The following NRXN3 variants were observed in gnomAD, a reference collection of about 807,000 sequenced individuals.
The protein encoded by NRXN3 is neurexin 3.
In NRXN3, 32 loss-of-function variants were observed where a neutral mutation model predicts 137.6. The ratio of observed to expected loss-of-function variants is 0.23; its 90% CI spans 0.18 to 0.31. NRXN3 has a LOEUF of 0.31. Ranked by LOEUF, NRXN3 falls within the 10% of genes least tolerant of loss-of-function variation. The pLI, the probability that NRXN3 is intolerant of heterozygous loss-of-function variation, is 1.00. For synonymous variants in NRXN3, 798 were observed against 784.5 expected (o/e 1.02, Z -0.29); for missense variants, 1,574 against 2,062.5 (o/e 0.76, Z 4.59).
intron 15 of NRXN3, chr14:79,281,627 T>C (rs113080652): frequency 1.3e-5 from 2 of 152,076 alleles, no homozygotes; most frequent in African/African-American, 4.8e-5. Context: ...CAGCCTGAAG[T>C]TGATTGAACT....
intron 15 of NRXN3, among the ~76,000 whole-genome samples, chr14:79,216,698 A>T (rs1463609161): frequency 6.6e-6 from 1 of 152,142 alleles, no homozygotes; most frequent in African/African-American, 2.4e-5. Flanking sequence ...ACGCTCTAAG[A>T]TGATATATGG....
intron 4 of NRXN3, among the ~76,000 whole-genome samples, chr14:78,629,202 A>G (rs1255535131): frequency 1.3e-5 from 2 of 152,220 alleles, no homozygotes; most frequent in Non-Finnish European, 2.9e-5. Flanking sequence ...GTTTAAGGTT[A>G]TAGAATTGAG....
At chr14:78,749,155 C>G (rs1198966618) in intron 8 of NRXN3, among the ~76,000 whole-genome samples, 2 of 152,166 alleles carry the variant, frequency 1.3e-5, no homozygotes, top group African/African-American at 4.8e-5. Context: ...GTCAGATGGG[C>G]TGAGCAGTGA....
rs529530390 is a variant in NRXN3, at chr14:78,758,682, C to T, written c.2044+43543C>T. On this transcript the variant is annotated intron_variant, in intron 8 of 20. Transcript: ENST00000335750. ...TATGGTGCCTCAAATGGCCTTACAA[C>T]AACAGCGTACTATTAAATGTATCAT... Among the ~76,000 whole-genome samples, 73 of 152,360 alleles carry T rather than the reference C, an allele frequency of 4.8e-4. No homozygotes were observed. In the South Asian group the frequency reaches 0.015, roughly 31 times the overall value.
At chr14:79,008,669 T>C (rs1361899710) in intron 15 of NRXN3, among the ~76,000 whole-genome samples, 2 of 151,284 alleles carry the variant, frequency 1.3e-5, no homozygotes, top group East Asian at 3.9e-4. Flanking sequence ...TGCTTTTTTT[T>C]TTTTTTTTTG....
At chr14:78,609,080 A>T (rs141762550) in intron 4 of NRXN3, among the ~76,000 whole-genome samples, 1 of 152,296 alleles carries the variant, frequency 6.6e-6, no homozygotes, top group African/African-American at 2.4e-5. Flanking sequence ...GGGCCAGGTC[A>T]CGAAGTAAAT....
At chr14:78,793,457 A>G (rs2098811605) in intron 8 of NRXN3, among the ~76,000 whole-genome samples, 1 of 152,190 alleles carries the variant, frequency 6.6e-6, no homozygotes, top group Admixed American at 6.5e-5. Context: ...GAGAATGTTT[A>G]TGAGTATGGT....
intron 15 of NRXN3, among the ~76,000 whole-genome samples, chr14:79,271,459 C>A (rs578251940): frequency 1.4e-4 from 18 of 131,218 alleles, no homozygotes; most frequent in African/African-American, 5.1e-4. Context: ...CCTTCCCTTC[C>A]CTCCCCTCCC....
chr14:78,459,488 G>C (rs1212086407), intron 4 of NRXN3, among the ~76,000 whole-genome samples: 1 of 152,142 alleles, frequency 6.6e-6, no homozygotes. Flanking sequence ...TCCCTCTGCT[G>C]TTTCTGACTG....
In NRXN3 at chr14:79,647,031, G is replaced by A. The variant is rs1338089531; in HGVS notation, c.3445-16747G>A. 2.2e-5 allele frequency among the ~76,000 whole-genome samples: 3 copies of A among 135,340 alleles called. 1 individual carries two copies. The highest frequency in any genetic ancestry group is 4.6e-4 in the South Asian group (2 of 4,328). The allele number at this position is 135,340 out of a possible 152,430, so 88.8% of individuals were successfully genotyped here. On this transcript the variant is annotated intron_variant, in intron 16 of 20. Coordinates refer to ENST00000335750, the MANE Select transcript of NRXN3 (RefSeq NM_001330195.2). The stretch of plus-strand genomic sequence containing the variant: ...CCAGGTCTAAGTGTTGCCCCAATCC[G>A]TTCTCCCATCCAACTCCACAAGCAG...
chr14:79,271,798 T>G (rs954243301), intron 15 of NRXN3, among the ~76,000 whole-genome samples: 2 of 152,092 alleles, frequency 1.3e-5, no homozygotes, highest in Non-Finnish European at 2.9e-5. Context: ...ACACTCCCCT[T>G]TCTCTGCCAA....
Position 78,979,629 on chromosome 14 carries a change from G to A in NRXN3, c.3143-8393G>A, listed in dbSNP as rs532444786. Among the ~76,000 whole-genome samples the A allele has an allele frequency of 4.5e-4, 68 of 152,204 alleles. 1 individual carries two copies. The South Asian group carries it at 0.012, about 26-fold the overall frequency. On this transcript the variant is annotated intron_variant, in intron 14 of 20. Coordinates refer to ENST00000335750, the MANE Select transcript of NRXN3 (RefSeq NM_001330195.2). ...GGAAGATCTCTTTAGACAGTTCATG[G>A]CATGTATTATTCTGTTCTCATGCTG...
chr14:78,233,688 CAAAAAAAAAA>C (rs10673907), intron 1 of NRXN3, among the ~76,000 whole-genome samples: 1 of 117,626 alleles, frequency 8.5e-6, no homozygotes, highest in East Asian at 2.4e-4. Context: ...AAGTATGCTT[CAAAAAAAAAA>C]AAAAAAAAAG....
chr14:78,709,448 C>G lies in NRXN3; in HGVS notation c.1453C>G (p.Leu485Val), dbSNP rs767859600. 1.2e-6 allele frequency: 2 copies of G among 1,614,148 alleles called. No individual in the cohort carries two copies. ...FRTTEPNGLI[L>V]FTHGKPQERK... ...CACCACAGAGCCCAATGGCCTGATC[C>G]TCTTCACTCATGGAAAGCCCCAAGA... Residue 485 changes from leucine to valine, a missense_variant, in exon 7 of 21, where the codon CTC becomes GTC. Transcript: ENST00000335750.
At chr14:79,661,911 T>A (rs1021126786) in intron 16 of NRXN3, 8 of 152,170 alleles carry the variant, frequency 5.3e-5, no homozygotes, top group Non-Finnish European at 1.2e-4. Context: ...TCTTGAATTA[T>A]AGTTCCCATA....
intron 19 of NRXN3, among the ~76,000 whole-genome samples, chr14:79,772,876 T>TA (rs1386460493): frequency 6.6e-6 from 1 of 152,026 alleles, no homozygotes; most frequent in African/African-American, 2.4e-5. Context: ...ACAACCTACT[T>TA]ATCTGACAAA....
intron 15 of NRXN3, among the ~76,000 whole-genome samples, chr14:79,054,147 C>A (rs866669264): frequency 2.6e-4 from 31 of 121,326 alleles, no homozygotes; most frequent in African/African-American, 1.0e-3. Flanking sequence ...ACATCACACA[C>A]CGGGGCCTGT....
chr14:78,544,374 A>G (rs1461173941), intron 4 of NRXN3, among the ~76,000 whole-genome samples: 1 of 152,216 alleles, frequency 6.6e-6, no homozygotes, highest in East Asian at 1.9e-4. Context: ...ATCCCTATGT[A>G]GGTCACTTAG....
intron 15 of NRXN3, among the ~76,000 whole-genome samples, chr14:79,138,490 C>A (rs1247107439): frequency 6.6e-6 from 1 of 152,198 alleles, no homozygotes; most frequent in Non-Finnish European, 1.5e-5. Context: ...GCACTAGAAT[C>A]ATTGAAAATA....
Sources: allele counts gnomAD v4.1 joint callset (sites outside exome capture counted in the v4.1 genomes callset), GRCh38; gene constraint gnomAD v4.1.1; transcripts MANE v1.5; gene names NCBI Gene and HGNC (gene_info 2026-07-23, HGNC 2026-07-21).